The following SLC35D1 variants were observed in gnomAD, a reference collection of about 807,000 sequenced individuals.
SLC35D1 encodes solute carrier family 35 member D1, also known as nucleotide sugar transporter SLC35D1.
SLC35D1 carries 31 observed loss-of-function variants against 46.7 expected under a neutral mutation model. That is an observed-to-expected ratio of 0.66 (90% CI 0.50 to 0.90). The LOEUF is 0.90. Among genes scored for constraint, SLC35D1 ranks in the 40% least tolerant of loss-of-function variants. SLC35D1 has a pLI of 0.00. For synonymous variants in SLC35D1, 195 were observed against 164.6 expected (o/e 1.18, Z -1.41); for missense variants, 397 against 426.2 (o/e 0.93, Z 0.60).
At chr1:66,978,543 CATA>C in the SLC35D1 span, among the ~76,000 whole-genome samples, 2 of 151,794 alleles carry the variant, frequency 1.3e-5, no homozygotes, top group East Asian at 3.8e-4. Context: ...AGTATTCAAG[CATA>C]ATAATATAGA....
chr1:66,991,567 A>C, the SLC35D1 span, among the ~76,000 whole-genome samples: 1 of 152,224 alleles, frequency 6.6e-6, no homozygotes, highest in African/African-American at 2.4e-5. Flanking sequence ...TTCACAAGGT[A>C]TATCCTGTAA....
intron 8 of SLC35D1, among the ~76,000 whole-genome samples, chr1:67,025,069 A>C (rs1036321060): frequency 2.6e-5 from 4 of 152,114 alleles, no homozygotes; most frequent in Admixed American, 2.6e-4. Context: ...TCTTAGTAAG[A>C]ACACCAGTCA....
chr1:67,008,334 T>A (rs910666055), intron 11 of SLC35D1: 5 of 921,604 alleles, frequency 5.4e-6, no homozygotes, highest in Non-Finnish European at 7.5e-6. Flanking sequence ...AGACGGGGTA[T>A]CACCATGTTG....
chr1:66,985,092 T>C, the SLC35D1 span: 11 of 1,278,546 alleles, frequency 8.6e-6, no homozygotes, highest in Non-Finnish European at 9.9e-6. Flanking sequence ...TCAGACTCTT[T>C]TAAGGGTATT....
chr1:67,015,977 C>T (rs1667677870), intron 10 of SLC35D1, among the ~76,000 whole-genome samples: 1 of 151,934 alleles, frequency 6.6e-6, no homozygotes, highest in African/African-American at 2.4e-5. Context: ...ATTTCAAATT[C>T]AGTTTTTTTG....
chr1:67,041,398 T>C (rs767453722), intron 8 of SLC35D1, among the ~76,000 whole-genome samples: 2 of 152,194 alleles, frequency 1.3e-5, no homozygotes, highest in African/African-American at 2.4e-5. Context: ...TCAAGAACAA[T>C]TTAATAGTCC....
chr1:67,001,792 A>G lies in SLC35D1; in HGVS notation c.*2548T>C, dbSNP rs566406776. 4 of 152,598 alleles carry G rather than the reference A, an allele frequency of 2.6e-5. No individual in the cohort carries two copies. Among genetic ancestry groups the G allele is most frequent in the African/African-American group, 9.6e-5 (4 of 41,594 alleles). The allele number at this position is 152,598 out of a possible 1,614,324, so 9.5% of individuals were successfully genotyped here. On this transcript the variant is annotated 3_prime_UTR_variant, in exon 12 of 12. Transcript: ENST00000235345. ...GCTTGTTCACCCTGCTCCATCTTGC[A>G]ATGCTGGTTAGTGGCTGAAGGATGC...
the SLC35D1 span, among the ~76,000 whole-genome samples, chr1:66,975,629 G>T: frequency 6.6e-6 from 1 of 152,172 alleles, no homozygotes; most frequent in South Asian, 2.1e-4. Flanking sequence ...CCTACCACCA[G>T]TTCTCCCGGC....
intron 11 of SLC35D1, chr1:67,008,514 C>A (rs1667496556): frequency 8.1e-7 from 1 of 1,232,182 alleles, no homozygotes. Flanking sequence ...TAGAATACTG[C>A]AAATCTGAAT....
intron 11 of SLC35D1, chr1:67,008,542 T>A (rs1289283853): frequency 1.4e-5 from 14 of 1,015,624 alleles, no homozygotes; most frequent in Non-Finnish European, 1.8e-5. Context: ...GCCGAACTGC[T>A]TCCAAATCTA....
intron 11 of SLC35D1, among the ~76,000 whole-genome samples, chr1:67,006,170 A>G (rs112690645): frequency 3.9e-5 from 6 of 152,218 alleles, no homozygotes; most frequent in Admixed American, 2.0e-4. Flanking sequence ...TCTTATGCCA[A>G]TGTTCATAGA....
At chr1:67,006,374 T>C (rs914350672) in intron 11 of SLC35D1, among the ~76,000 whole-genome samples, 1 of 152,200 alleles carries the variant, frequency 6.6e-6, no homozygotes, top group Admixed American at 6.5e-5. Context: ...AAGGTTCACA[T>C]GTACGTCCAC....
In SLC35D1 at chr1:67,013,157, G is replaced by GATAGATAGATAGATATATATATATAT. The variant is rs1553264879; in HGVS notation, c.877-3991_877-3990insATATATATATATATCTATCTATCTAT. ...ATAATTTAAGAACATATATCCTGGA[G>GATAGATAGATAGATATATATATATAT]ATATATATATATCCTGTTCTTAAAT... is the stretch of plus-strand genomic sequence containing the variant. On this transcript the variant is annotated intron_variant, in intron 10 of 11. Transcript: ENST00000235345. Among the ~76,000 whole-genome samples the GATAGATAGATAGATATATATATATAT allele has an allele frequency of 8.0e-4, 24 of 29,814 alleles. 3 individuals are homozygous for GATAGATAGATAGATATATATATATAT. Among genetic ancestry groups the GATAGATAGATAGATATATATATATAT allele is most frequent in the African/African-American group, 4.3e-3 (24 of 5,586 alleles). 19.6% of individuals were successfully genotyped at this position (29,814 alleles called of 152,430 possible).
chr1:66,977,255 G>A, the SLC35D1 span, among the ~76,000 whole-genome samples: 3 of 151,994 alleles, frequency 2.0e-5, no homozygotes, highest in Non-Finnish European at 4.4e-5. Flanking sequence ...GATTACAGGT[G>A]CCTGCCATGA....
the SLC35D1 span, among the ~76,000 whole-genome samples, chr1:66,990,802 C>T: frequency 1.8e-3 from 276 of 152,286 alleles, 2 homozygotes; most frequent in Middle Eastern, 0.01. Flanking sequence ...AAAGAAGTCT[C>T]ATAGCACTTG....
chr1:66,978,068 C>G, the SLC35D1 span, among the ~76,000 whole-genome samples: 31,005 of 151,594 alleles, frequency 0.2, 3,655 homozygotes, highest in Non-Finnish European at 0.26. Flanking sequence ...TGGTGGTGCA[C>G]GCCTATAGTC....
At chr1:66,997,075 A>G (rs1195657864), downstream of SLC35D1, among the ~76,000 whole-genome samples, 1 of 152,222 alleles carries the variant, frequency 6.6e-6, no homozygotes, top group Non-Finnish European at 1.5e-5. Flanking sequence ...ATATGCCACC[A>G]AAAGCACAGG....
At chr1:66,978,214 A>G in the SLC35D1 span, among the ~76,000 whole-genome samples, 1 of 150,554 alleles carries the variant, frequency 6.6e-6, no homozygotes, top group African/African-American at 2.4e-5. Flanking sequence ...AAAAAAAAAG[A>G]TGTGCTTGTA....
the SLC35D1 span, among the ~76,000 whole-genome samples, chr1:66,991,665 G>A: frequency 6.6e-6 from 1 of 152,198 alleles, no homozygotes; most frequent in Non-Finnish European, 1.5e-5. Flanking sequence ...AACGAGGAGT[G>A]AAAGCCCACA....
Sources: gnomAD v4.1 joint callset for allele counts (sites outside exome capture counted in the v4.1 genomes callset) on GRCh38, gnomAD v4.1.1 for gene constraint, MANE v1.5 for transcripts, NCBI Gene and HGNC (gene_info 2026-07-23, HGNC 2026-07-21) for gene names.